Variants in CTCFL observed in about 807,000 individuals in gnomAD.
The protein encoded by CTCFL is CCCTC-binding factor like.
Under a neutral mutation model 67.4 loss-of-function variants are expected in CTCFL, and 36 were observed. The observed-to-expected ratio is 0.53, with a 90% CI of 0.41 to 0.71. CTCFL has a LOEUF of 0.71. CTCFL is among the 30% of genes least tolerant of loss of function. The pLI is 0.00. For synonymous variants in CTCFL, 324 were observed against 302.3 expected, an observed-to-expected ratio of 1.07 and a Z score of -0.75; for missense variants, 786 against 835.2, an observed-to-expected ratio of 0.94 and a Z score of 0.73.
At chr20:57,524,748 C>G in intron 1 of CTCFL, 2 of 987,518 alleles carry the variant, frequency 2.0e-6, no homozygotes, top group Non-Finnish European at 2.4e-6. Flanking sequence ...GACCTAGCAC[C>G]CTCAGAGCCA....
chr20:57,501,099 A>G (rs1426204787), intron 10 of CTCFL, among the ~76,000 whole-genome samples: 2 of 152,302 alleles, frequency 1.3e-5, no homozygotes, highest in African/African-American at 2.4e-5. Flanking sequence ...TGTGCTTACT[A>G]TTCACTCGTT....
At chr20:57,517,824 C>G (rs376076655) in intron 5 of CTCFL, among the ~76,000 whole-genome samples, 1 of 151,954 alleles carries the variant, frequency 6.6e-6, no homozygotes, top group South Asian at 2.1e-4. Context: ...TACTAAGCAC[C>G]GGCAGGACAC....
At chr20:57,507,363 T>C (rs74624221) in intron 9 of CTCFL, 6 of 159,664 alleles carry the variant, frequency 3.8e-5, no homozygotes, top group Admixed American at 1.4e-4. Flanking sequence ...AGCTATTTTC[T>C]TTTTTTTTTT....
At chr20:57,515,034 T>C (rs1384187702) in intron 6 of CTCFL, 3 of 379,844 alleles carry the variant, frequency 7.9e-6, no homozygotes, top group Non-Finnish European at 1.4e-5. Flanking sequence ...TACACATAAA[T>C]GTATTCTTAA....
intron 9 of CTCFL, chr20:57,506,967 A>T (rs1298854039): frequency 1.0e-6 from 1 of 984,942 alleles, no homozygotes; most frequent in Non-Finnish European, 1.2e-6. Flanking sequence ...TACTGTTTTA[A>T]GAAGAAATAT....
intron 9 of CTCFL, chr20:57,507,931 C>T (rs996085415): frequency 3.3e-6 from 2 of 609,764 alleles, no homozygotes; most frequent in South Asian, 1.8e-5. Flanking sequence ...CAGCACTATT[C>T]TTTTTTTTTT....
chr20:57,505,910 C>A (rs138195497), intron 9 of CTCFL, among the ~76,000 whole-genome samples: 348 of 152,300 alleles, frequency 2.3e-3, no homozygotes, highest in Non-Finnish European at 4.1e-3. Context: ...GCAAATTATG[C>A]GAAACATCCC....
intron 10 of CTCFL, chr20:57,499,863 GGC>G: frequency 1.7e-6 from 1 of 605,412 alleles, no homozygotes; most frequent in Non-Finnish European, 2.1e-6. Context: ...GATGGGGAGC[GGC>G]TGTCAATACA....
At position 57,519,003 on chromosome 20, in the gene CTCFL, A is replaced by G. The variant is rs543561907; in HGVS notation, c.926-112T>C. 1.1e-5 allele frequency: 15 copies of G among 1,325,556 alleles called. No individual in the cohort carries two copies. The African/African-American group carries it at 1.9e-4, about 17-fold the overall frequency. 82.1% of individuals were successfully genotyped at this position (1,325,556 alleles called of 1,614,324 possible). On this transcript the variant is annotated intron_variant, in intron 4 of 10. Transcript: ENST00000243914. ...CTCAAAAATGCTTTAAAAATTAAGA[A>G]GAGGCTCCTTAAACTATAAATACCA...
chr20:57,498,792 T>C (rs907854830), intron 10 of CTCFL, 91 bp from the exon 11 acceptor site: 1 of 1,201,120 alleles, frequency 8.3e-7, no homozygotes, highest in Non-Finnish European at 1.2e-6. Flanking sequence ...AAACCATCAC[T>C]TAAATTTGAA....
chr20:57,511,342 G>A (rs1255748316), intron 8 of CTCFL, among the ~76,000 whole-genome samples: 2 of 151,726 alleles, frequency 1.3e-5, no homozygotes, highest in Non-Finnish European at 2.9e-5. Context: ...GTCTGGCCAT[G>A]GTAATTTCTT....
At chr20:57,519,983 T>C (rs867970214) in intron 3 of CTCFL, among the ~76,000 whole-genome samples, 1 of 135,438 alleles carries the variant, frequency 7.4e-6, no homozygotes, top group Non-Finnish European at 1.7e-5. Context: ...CACATGGAGA[T>C]AGTGGCCACC....
chr20:57,501,435 C>A (rs1238353943), intron 10 of CTCFL, among the ~76,000 whole-genome samples: 2 of 151,898 alleles, frequency 1.3e-5, no homozygotes, highest in Non-Finnish European at 2.9e-5. Context: ...GGGTGGGTTC[C>A]AGACTCAGAG....
chr20:57,507,157 G>T, intron 9 of CTCFL: 1 of 534,214 alleles, frequency 1.9e-6, no homozygotes, highest in Non-Finnish European at 2.4e-6. Context: ...GTGTGGGTGG[G>T]ACTTCATGGT....
At chr20:57,521,162 T>C (rs1382045327) in intron 3 of CTCFL, among the ~76,000 whole-genome samples, 3 of 152,236 alleles carry the variant, frequency 2.0e-5, no homozygotes, top group Non-Finnish European at 4.4e-5. Context: ...GAGAGGTATG[T>C]TTCTGTTGTT....
chr20:57,508,383 C>CTT (rs369554819), intron 9 of CTCFL, among the ~76,000 whole-genome samples: 4 of 140,592 alleles, frequency 2.8e-5, no homozygotes, highest in Admixed American at 7.1e-5. Flanking sequence ...TTGGATTGTC[C>CTT]TTTTTTTTTT....
At chr20:57,503,049 C>A (rs572638144) in intron 10 of CTCFL, among the ~76,000 whole-genome samples, 107 of 152,280 alleles carry the variant, frequency 7.0e-4, no homozygotes, top group African/African-American at 2.3e-3. Context: ...CGAGGGAGGG[C>A]GGCCCTGCCC....
chr20:57,497,007 ATTTTTT>A (rs34176396), downstream of CTCFL, among the ~76,000 whole-genome samples: 3 of 138,960 alleles, frequency 2.2e-5, no homozygotes, highest in Non-Finnish European at 1.6e-5. Context: ...TGCTATTTCC[ATTTTTT>A]TTTTTTTTTT....
intron 3 of CTCFL, 61 bp downstream of exon 3, chr20:57,523,007 C>T: frequency 1.5e-6 from 2 of 1,313,962 alleles, no homozygotes; most frequent in Non-Finnish European, 2.1e-6. Context: ...CATCACCTGC[C>T]CATAAAGAAA....
Sources: gnomAD v4.1 joint callset for allele counts (sites outside exome capture counted in the v4.1 genomes callset) on GRCh38, gnomAD v4.1.1 for gene constraint, MANE v1.5 for transcripts, NCBI Gene and HGNC (gene_info 2026-07-23, HGNC 2026-07-21) for gene names.